Variants in NTM observed in about 807,000 individuals in gnomAD.
NTM encodes the protein neurotrimin.
A neutral mutation model predicts 42.1 loss-of-function variants in NTM; 13 were observed. The ratio of observed to expected loss-of-function variants is 0.31; its 90% CI spans 0.20 to 0.49. The LOEUF is 0.49. Among genes scored for constraint, NTM ranks in the 20% least tolerant of loss-of-function variants. The probability of loss-of-function intolerance (pLI) is 0.99; values close to 1 mark genes in which losing one functional copy is unlikely to be tolerated. For missense variants in NTM, 373 were observed against 452.8 expected, an observed-to-expected ratio of 0.82 and a Z score of 1.60; for synonymous variants, 187 against 179.2, an observed-to-expected ratio of 1.04 and a Z score of -0.35.
At chr11:131,511,168 C>T (rs1020363157) in intron 1 of NTM, among the ~76,000 whole-genome samples, 7 of 151,596 alleles carry the variant, frequency 4.6e-5, no homozygotes, top group Admixed American at 1.3e-4. Flanking sequence ...ATCGTACACT[C>T]CTCTGAGACC....
chr11:131,697,270 G>T (rs1231375448), intron 1 of NTM, among the ~76,000 whole-genome samples: 1 of 152,268 alleles, frequency 6.6e-6, no homozygotes, highest in Admixed American at 6.5e-5. Context: ...GGGTCTCTCA[G>T]AGCCTCTTGG....
chr11:131,630,526 G>C (rs576488166), intron 1 of NTM, among the ~76,000 whole-genome samples: 1 of 152,030 alleles, frequency 6.6e-6, no homozygotes, highest in Admixed American at 6.6e-5. Context: ...ACTGGTGATC[G>C]GTCCCACAAA....
intron 1 of NTM, among the ~76,000 whole-genome samples, chr11:131,386,079 T>C (rs2135554163): frequency 6.6e-6 from 1 of 152,318 alleles, no homozygotes; most frequent in South Asian, 2.1e-4. Flanking sequence ...CAAGTGTCCA[T>C]CATCAACAAA....
chr11:131,485,211 G>T (rs191015841), intron 1 of NTM, among the ~76,000 whole-genome samples: 11 of 152,280 alleles, frequency 7.2e-5, no homozygotes, highest in Admixed American at 7.2e-4. Context: ...CAAGAGGCAC[G>T]TACCTTCCCT....
chr11:131,411,644 AG>A (rs1946439505), intron 1 of NTM, among the ~76,000 whole-genome samples: 1 of 150,478 alleles, frequency 6.6e-6, no homozygotes, highest in African/African-American at 2.4e-5. Context: ...TACAACTCTT[AG>A]GGGTCCTGAA....
intron 1 of NTM, among the ~76,000 whole-genome samples, chr11:131,419,137 C>T (rs1328785565): frequency 6.9e-6 from 1 of 144,742 alleles, no homozygotes; most frequent in African/African-American, 2.6e-5. Flanking sequence ...TGAGTTGAAG[C>T]TAAGTATACC....
At chr11:131,508,804 A>C (rs1175556646) in intron 1 of NTM, among the ~76,000 whole-genome samples, 2 of 149,290 alleles carry the variant, frequency 1.3e-5, no homozygotes, top group Admixed American at 6.7e-5. Flanking sequence ...CAAACACCGC[A>C]TATTCTCACT....
chr11:131,922,872 C>A (rs921109597), intron 2 of NTM, among the ~76,000 whole-genome samples: 8 of 152,318 alleles, frequency 5.3e-5, no homozygotes, highest in Admixed American at 5.2e-4. Context: ...CCTATGTAAG[C>A]CTCATACCAC....
intron 1 of NTM, among the ~76,000 whole-genome samples, chr11:131,432,839 C>CCTTTTTTT (rs1565494793): frequency 2.9e-5 from 2 of 68,694 alleles, no homozygotes; most frequent in Non-Finnish European, 2.6e-5. Context: ...ATTTAGCATT[C>CCTTTTTTT]TTTTTTTTTT....
intron 1 of NTM, among the ~76,000 whole-genome samples, chr11:131,413,369 C>T (rs1946618548): frequency 2.0e-5 from 3 of 152,282 alleles, no homozygotes; most frequent in Middle Eastern, 3.4e-3. Flanking sequence ...CTTTCTGGAG[C>T]GCCAGCCCAC....
chr11:132,146,312 G>A lies in NTM; in HGVS notation c.198G>A (p.Val66=), dbSNP rs760006482. The change falls in exon 3 of 9, where the codon GTG becomes GTA. Residue 66 remains valine (V), a synonymous_variant. Coordinates refer to ENST00000683400, the MANE Select transcript of NTM (RefSeq NM_001352005.2). The surrounding 1 kb of genome is among the most constrained non-coding windows in gnomAD (Gnocchi z 4.5). ...RCTIDNRVTR[V]AWLNRSTILY... ...CTATTGACAACCGGGTCACCCGGGT[G>A]GCCTGGCTAAACCGCAGCACCATCC... 8 of 1,614,188 alleles carry A rather than the reference G, an allele frequency of 5.0e-6. No homozygotes were observed. The South Asian group carries it at 8.8e-5, about 18-fold the overall frequency.
At chr11:131,642,390 G>A (rs2065248975) in intron 1 of NTM, among the ~76,000 whole-genome samples, 2 of 152,188 alleles carry the variant, frequency 1.3e-5, no homozygotes, top group Non-Finnish European at 2.9e-5. Context: ...GGGGAAGTGG[G>A]AGAAGCAACT....
At chr11:131,908,781 C>T (rs488278) in intron 1 of NTM, among the ~76,000 whole-genome samples, 9,528 of 152,252 alleles carry the variant, frequency 0.063, 401 homozygotes, top group East Asian at 0.16. Flanking sequence ...TTCCTGTTTC[C>T]ACAATTGCCC....
chr11:132,151,065 G>A (rs953871213), intron 3 of NTM, among the ~76,000 whole-genome samples: 1 of 152,056 alleles, frequency 6.6e-6, no homozygotes, highest in Non-Finnish European at 1.5e-5. Context: ...TTTGACCTTA[G>A]GGTTTTTTGC....
chr11:131,496,266 C>T (rs1383488975), intron 1 of NTM, among the ~76,000 whole-genome samples: 2 of 152,138 alleles, frequency 1.3e-5, no homozygotes, highest in Non-Finnish European at 2.9e-5. Flanking sequence ...CCCCCTTCAC[C>T]TCAAAGGATG....
At chr11:131,844,289 A>G (rs1040066686) in intron 1 of NTM, among the ~76,000 whole-genome samples, 2 of 152,018 alleles carry the variant, frequency 1.3e-5, no homozygotes, top group Non-Finnish European at 2.9e-5. Context: ...TCCAGTTTCC[A>G]TTTGGTGTGG....
chr11:131,585,546 A>G (rs1398166678), intron 1 of NTM, among the ~76,000 whole-genome samples: 1 of 152,182 alleles, frequency 6.6e-6, no homozygotes, highest in East Asian at 1.9e-4. Context: ...ACCACCTAGC[A>G]AGCACAGTTG....
intron 4 of NTM, among the ~76,000 whole-genome samples, chr11:132,251,716 A>G (rs3133907): frequency 0.48 from 72,452 of 151,590 alleles, 17,624 homozygotes; most frequent in African/African-American, 0.54. Flanking sequence ...GGGTTATTCC[A>G]AAGCTCAAAA....
At chr11:131,708,056 T>A (rs2076762099) in intron 1 of NTM, among the ~76,000 whole-genome samples, 1 of 152,128 alleles carries the variant, frequency 6.6e-6, no homozygotes, top group African/African-American at 2.4e-5. Context: ...AGACTAATAT[T>A]TGAATTCACT....
Sources: allele counts gnomAD v4.1 joint callset (sites outside exome capture counted in the v4.1 genomes callset), GRCh38; gene constraint gnomAD v4.1.1; non-coding constraint Gnocchi (gnomAD v3.1); transcripts MANE v1.5; gene names NCBI Gene and HGNC (gene_info 2026-07-23, HGNC 2026-07-21).